The following INSR variants were observed in gnomAD, a reference collection of about 807,000 sequenced individuals.
INSR encodes the protein insulin receptor.
In INSR, 67 loss-of-function variants were observed where a neutral mutation model predicts 142.6. The observed-to-expected ratio is 0.47, with a 90% CI of 0.39 to 0.58. The LOEUF (loss-of-function observed/expected upper bound fraction) is 0.58. INSR is among the 20% of genes least tolerant of loss of function. The pLI is 0.00. For synonymous variants in INSR, 756 were observed against 743.1 expected, an observed-to-expected ratio of 1.02 and a Z score of -0.28; for missense variants, 1,248 against 1,833.2, an observed-to-expected ratio of 0.68 and a Z score of 5.83.
At chr19:7,250,445 G>GAAGAAAGAAAAGGAAGAA (rs1976683687) in intron 2 of INSR, among the ~76,000 whole-genome samples, 1 of 55,134 alleles carries the variant, frequency 1.8e-5, no homozygotes, top group South Asian at 5.2e-4. Flanking sequence ...AGAAAAGAAA[G>GAAGAAAGAAAAGGAAGAA]AAGAAAGAAA....
Position 7,146,236 on chromosome 19 carries a change from C to CCTTTTTTTTTTTTTTTTTT in INSR, c.2268-3147_2268-3146insAAAAAAAAAAAAAAAAAAG, listed in dbSNP as rs1424523294. On this transcript the variant is annotated intron_variant, in intron 11 of 21. Coordinates refer to ENST00000302850, the MANE Select transcript of INSR (RefSeq NM_000208.4). ...TTCAGTGCAGTATCTTTGTCAAGTT[C>CCTTTTTTTTTTTTTTTTTT]TTTTTTTTTTTTTTTTTTTTTTGAG... is the stretch of plus-strand genomic sequence containing the variant. Among the ~76,000 whole-genome samples the CCTTTTTTTTTTTTTTTTTT allele has an allele frequency of 1.8e-5, 2 of 110,728 alleles. 1 individual carries two copies. 72.6% of individuals were successfully genotyped at this position (110,728 alleles called of 152,430 possible).
intron 2 of INSR, among the ~76,000 whole-genome samples, chr19:7,218,689 C>T (rs79289147): frequency 0.019 from 2,870 of 152,140 alleles, 88 homozygotes; most frequent in African/African-American, 0.066. Flanking sequence ...CAGAGGCACC[C>T]GCTGCCACAT....
intron 2 of INSR, among the ~76,000 whole-genome samples, chr19:7,258,913 TTTCC>T (rs1443682213): frequency 4.1e-5 from 6 of 147,914 alleles, no homozygotes; most frequent in Non-Finnish European, 6.0e-5. Flanking sequence ...CTTTTCCTTC[TTTCC>T]TTCCTTCCTT....
chr19:7,234,052 G>A (rs558254638), intron 2 of INSR, among the ~76,000 whole-genome samples: 14 of 151,904 alleles, frequency 9.2e-5, no homozygotes, highest in South Asian at 4.2e-4. Context: ...GACCACAGGC[G>A]CGCTATGGTG....
rs1234594701 is a variant in INSR at position 7,192,239 on chromosome 19, G to A, written c.653-7602C>T. ...AAAGAAAAGAAAGAGAAAGAAGGAA[G>A]GGAGGGAGGGAAGAAAAGAAAAGAA... On this transcript the variant is annotated intron_variant, in intron 2 of 21. Coordinates refer to ENST00000302850, the MANE Select transcript of INSR (RefSeq NM_000208.4). This position sits in a 1 kb window ranked among gnomAD's most constrained non-coding sequence, Gnocchi z 4.2. Among the ~76,000 whole-genome samples the A allele has an allele frequency of 8.0e-6, 1 of 125,152 alleles. No individual in the cohort carries two copies. 82.1% of individuals were successfully genotyped at this position (125,152 alleles called of 152,430 possible).
chr19:7,231,666 C>G (rs7256657), intron 2 of INSR, among the ~76,000 whole-genome samples: 9,529 of 152,120 alleles, frequency 0.063, 753 homozygotes, highest in East Asian at 0.22. Flanking sequence ...CACCAACAAC[C>G]TGCCATACAT....
chr19:7,207,901 AAAGGAAGGAAGG>A (rs35679001), intron 2 of INSR, among the ~76,000 whole-genome samples: 18 of 72,742 alleles, frequency 2.5e-4, no homozygotes, highest in Admixed American at 7.2e-4. Flanking sequence ...GGAAGGAAGG[AAAGGAAGGAAGG>A]AAGGAAGGAA....
At chr19:7,233,516 G>A (rs1378234121) in intron 2 of INSR, among the ~76,000 whole-genome samples, 2 of 152,028 alleles carry the variant, frequency 1.3e-5, no homozygotes, top group East Asian at 3.9e-4. Flanking sequence ...CGAGTGCTGG[G>A]AACCACCCTA....
intron 12 of INSR, 77 bp downstream of exon 12, chr19:7,142,739 T>C: frequency 6.5e-7 from 1 of 1,536,752 alleles, no homozygotes; most frequent in South Asian, 1.1e-5. Context: ...ATGCACTGCT[T>C]AGAGGGTGGA....
At chr19:7,193,977 G>A (rs565814252) in intron 2 of INSR, among the ~76,000 whole-genome samples, 4 of 97,896 alleles carry the variant, frequency 4.1e-5, no homozygotes, top group African/African-American at 8.1e-5. Context: ...GGGCATAGGC[G>A]TAAGCCACAA....
chr19:7,141,475 G>A, intron 13 of INSR: 1 of 668,510 alleles, frequency 1.5e-6, no homozygotes, highest in Non-Finnish European at 2.5e-6. Context: ...GAGAAACTAA[G>A]AAAAGTAACA....
intron 2 of INSR, among the ~76,000 whole-genome samples, chr19:7,187,913 A>G (rs1228643052): frequency 6.6e-6 from 1 of 152,124 alleles, no homozygotes; most frequent in Non-Finnish European, 1.5e-5. Context: ...ACCGTCTCCC[A>G]GACGAGACAG....
chr19:7,244,577 T>C (rs1373468596), intron 2 of INSR, among the ~76,000 whole-genome samples: 1 of 151,524 alleles, frequency 6.6e-6, no homozygotes, highest in East Asian at 1.9e-4. Context: ...GGAGATCCCA[T>C]ACCTGCCCGG....
intron 1 of INSR, among the ~76,000 whole-genome samples, chr19:7,273,354 T>C (rs1267088265): frequency 6.6e-6 from 1 of 151,996 alleles, no homozygotes; most frequent in African/African-American, 2.4e-5. Context: ...AAGGCAGAAA[T>C]AGACACGAGG....
intron 2 of INSR, among the ~76,000 whole-genome samples, chr19:7,246,381 T>C (rs532707350): frequency 1.3e-5 from 2 of 152,226 alleles, no homozygotes; most frequent in Admixed American, 1.3e-4. Flanking sequence ...GATGAGCAGC[T>C]ACAGGGAAGA....
chr19:7,240,594 A>G (rs1976310288), intron 2 of INSR, among the ~76,000 whole-genome samples: 1 of 152,150 alleles, frequency 6.6e-6, no homozygotes, highest in African/African-American at 2.4e-5. Context: ...AAATAAATAG[A>G]TTTAAAGAAC....
chr19:7,120,590 C>T lies in INSR; in HGVS notation c.3659+30G>A, dbSNP rs200281940. 8.3e-4 allele frequency: 1,338 copies of T among 1,613,216 alleles called. 3 individuals carry two copies. The highest frequency in any genetic ancestry group is 5.3e-3 in the Middle Eastern group (32 of 6,050). On this transcript the variant is annotated intron_variant, in intron 20 of 21. Transcript: ENST00000302850. ...ACTAGCACCTGGAATTCAAGCCCAGCGTCCATCCACCCATCCACACACAAC... is the reference window on the plus strand; with the variant it reads ...ACTAGCACCTGGAATTCAAGCCCAGTGTCCATCCACCCATCCACACACAAC...
Position 7,113,962 on chromosome 19 carries a change from A to C in INSR, c.*3094T>G, listed in dbSNP as rs1972262006. 6.7e-6 allele frequency: 1 copy of C among 149,422 alleles called. No individual in the cohort carries two copies. The highest frequency in any genetic ancestry group is 1.5e-5 in the Non-Finnish European group (1 of 67,694). 9.3% of individuals were successfully genotyped at this position (149,422 alleles called of 1,614,324 possible). On this transcript the variant is annotated 3_prime_UTR_variant, in exon 22 of 22. Coordinates refer to ENST00000302850, the MANE Select transcript of INSR (RefSeq NM_000208.4). ...CCCCACTGGTCCTGCCTAGACTCTC[A>C]CATGGGTTATCAAAGCTGCACAAGG...
intron 1 of INSR, among the ~76,000 whole-genome samples, chr19:7,275,161 G>T (rs983169271): frequency 6.6e-6 from 1 of 151,796 alleles, no homozygotes; most frequent in Non-Finnish European, 1.5e-5. Context: ...TTTTAGTAGA[G>T]ACAAGGTTTC....
Sources: allele counts gnomAD v4.1 joint callset (sites outside exome capture counted in the v4.1 genomes callset), GRCh38; gene constraint gnomAD v4.1.1; non-coding constraint Gnocchi (gnomAD v3.1); transcripts MANE v1.5; gene names NCBI Gene and HGNC (gene_info 2026-07-23, HGNC 2026-07-21).